The following GABRA3 variants were observed in gnomAD, a reference collection of about 807,000 sequenced individuals.
GABRA3 encodes gamma-aminobutyric acid type A receptor subunit alpha3, also known as gamma-aminobutyric acid receptor subunit alpha-3.
GABRA3 carries 10 observed loss-of-function variants against 30.1 expected under a neutral mutation model. That is an observed-to-expected ratio of 0.33 (90% CI 0.20 to 0.56). GABRA3 has a LOEUF of 0.56. Ranked by LOEUF, GABRA3 falls within the 20% of genes least tolerant of loss-of-function variation. GABRA3 has a pLI of 0.89. For synonymous variants in GABRA3, 151 were observed against 146.8 expected, an observed-to-expected ratio of 1.03 and a Z score of -0.21; for missense variants, 233 against 392.0, an observed-to-expected ratio of 0.59 and a Z score of 3.42.
chrX:152,241,396 T>C, intron 5 of GABRA3, among the ~76,000 whole-genome samples: 1 of 102,716 alleles, frequency 9.7e-6, no homozygotes, highest in South Asian at 4.3e-4. Context: ...GGAGAACCAC[T>C]GCTCTCTTCA....
At chrX:152,407,860 A>C (rs1386601220) in intron 1 of GABRA3, among the ~76,000 whole-genome samples, 3 of 111,923 alleles carry the variant, frequency 2.7e-5, no homozygotes, top group Non-Finnish European at 5.6e-5. Flanking sequence ...ACAACACATT[A>C]AAAAGATCAC....
At chrX:152,353,404 G>A (rs1305197441) in intron 2 of GABRA3, among the ~76,000 whole-genome samples, 3 of 111,781 alleles carry the variant, frequency 2.7e-5, no homozygotes, top group African/African-American at 9.7e-5. Context: ...AAAGAAGCAG[G>A]GGTACATTCT....
intron 6 of GABRA3, among the ~76,000 whole-genome samples, chrX:152,211,972 C>G (rs1373742538): frequency 9.1e-6 from 1 of 110,075 alleles, no homozygotes; most frequent in East Asian, 2.9e-4. Context: ...CAGAAGGAAG[C>G]TTAATAAATA....
chrX:152,410,510 T>C (rs1930043457), intron 1 of GABRA3, among the ~76,000 whole-genome samples: 1 of 111,563 alleles, frequency 9.0e-6, no homozygotes, highest in Non-Finnish European at 1.9e-5. Flanking sequence ...CATGTATCCA[T>C]AATAATTAAT....
intron 6 of GABRA3, among the ~76,000 whole-genome samples, chrX:152,215,656 T>G (rs1937706952): frequency 9.0e-6 from 1 of 111,171 alleles, no homozygotes; most frequent in Non-Finnish European, 1.9e-5. Context: ...GAAGAAAATG[T>G]AGGGGAAATT....
intron 1 of GABRA3, among the ~76,000 whole-genome samples, chrX:152,433,958 C>T (rs1412290352): frequency 8.9e-6 from 1 of 111,738 alleles, no homozygotes; most frequent in Non-Finnish European, 1.9e-5. Context: ...ATAATATCAG[C>T]TCTCACTTGA....
intron 6 of GABRA3, among the ~76,000 whole-genome samples, chrX:152,223,712 C>T (rs1937885224): frequency 9.2e-6 from 1 of 108,715 alleles, no homozygotes; most frequent in Non-Finnish European, 1.9e-5. Flanking sequence ...TTGAATGTTC[C>T]TTTTAAATAA....
chrX:152,215,475 A>T (rs1420773914), intron 6 of GABRA3, among the ~76,000 whole-genome samples: 1 of 110,835 alleles, frequency 9.0e-6, no homozygotes, highest in Admixed American at 9.6e-5. Flanking sequence ...TATGTTTTCA[A>T]CCATTTTTGC....
chrX:152,212,941 C>T (rs1372641385), intron 6 of GABRA3, among the ~76,000 whole-genome samples: 1 of 110,882 alleles, frequency 9.0e-6, no homozygotes, highest in Non-Finnish European at 1.9e-5. Flanking sequence ...ATCTCAATTC[C>T]AATCATTCTA....
chrX:152,290,861 C>A (rs1405985470), intron 3 of GABRA3, among the ~76,000 whole-genome samples: 2 of 111,449 alleles, frequency 1.8e-5, no homozygotes, highest in Non-Finnish European at 3.8e-5. Context: ...CTGTTCTGTT[C>A]CATTGGTCTA....
At chrX:152,385,634 T>A (rs1425928672) in intron 1 of GABRA3, among the ~76,000 whole-genome samples, 1 of 112,048 alleles carries the variant, frequency 8.9e-6, no homozygotes, top group Non-Finnish European at 1.9e-5. Flanking sequence ...TTGTTGCCAT[T>A]GCTTTTGGTG....
At chrX:152,355,754 G>A (rs967109231) in intron 2 of GABRA3, among the ~76,000 whole-genome samples, 3 of 111,818 alleles carry the variant, frequency 2.7e-5, no homozygotes, top group African/African-American at 9.7e-5. Flanking sequence ...ATATTCAATC[G>A]TTCTGACCTA....
chrX:152,447,294 T>C lies in GABRA3; in HGVS notation c.-27+3852A>G, dbSNP rs140102265. On this transcript the variant is annotated intron_variant, in intron 1 of 9. Transcript: ENST00000370314. Reference sequence around the variant, plus strand: ...GCCCTTTAATCAGTCCCACTCTTTCTAGAATAAAGACCAACAGCCTTATAA... The same window carrying C: ...GCCCTTTAATCAGTCCCACTCTTTCCAGAATAAAGACCAACAGCCTTATAA... 5.3e-3 allele frequency among the ~76,000 whole-genome samples: 596 copies of C among 111,485 alleles called. 6 individuals are homozygous for C. Among genetic ancestry groups the C allele is most frequent in the Non-Finnish European group, 5.8e-3 (307 of 53,017 alleles).
intron 5 of GABRA3, among the ~76,000 whole-genome samples, chrX:152,234,553 A>G (rs752164954): frequency 9.0e-6 from 1 of 111,651 alleles, no homozygotes; most frequent in South Asian, 3.7e-4. Context: ...GCCAAGGCCA[A>G]TGATCAGTAG....
chrX:152,235,990 T>A (rs1392681032), intron 5 of GABRA3, among the ~76,000 whole-genome samples: 1 of 107,358 alleles, frequency 9.3e-6, no homozygotes, highest in Non-Finnish European at 1.9e-5. Flanking sequence ...TCTTTATTTT[T>A]TTTTTAATTT....
chrX:152,446,806 C>T (rs1177561734), intron 1 of GABRA3, among the ~76,000 whole-genome samples: 2 of 111,983 alleles, frequency 1.8e-5, no homozygotes, highest in Non-Finnish European at 3.8e-5. Flanking sequence ...GAGGGAGTTG[C>T]ATCTCCTTTG....
At chrX:152,327,081 C>G (rs1400505475) in intron 3 of GABRA3, among the ~76,000 whole-genome samples, 1 of 108,063 alleles carries the variant, frequency 9.3e-6, no homozygotes, top group Non-Finnish European at 1.9e-5. Flanking sequence ...AGACTTTAAA[C>G]CAACAAAGAT....
intron 5 of GABRA3, among the ~76,000 whole-genome samples, chrX:152,240,475 G>C (rs1392862042): frequency 2.3e-5 from 2 of 86,212 alleles, no homozygotes; most frequent in East Asian, 9.4e-4. Flanking sequence ...TATGTGTCTT[G>C]GAGTTGCTCT....
At chrX:152,191,799 C>T (rs1296943641) in intron 8 of GABRA3, among the ~76,000 whole-genome samples, 1 of 110,957 alleles carries the variant, frequency 9.0e-6, no homozygotes, top group Non-Finnish European at 1.9e-5. Context: ...AAAGGAGTAC[C>T]TTTGCACCAA....
Sources: gnomAD v4.1 joint callset for allele counts (sites outside exome capture counted in the v4.1 genomes callset) on GRCh38, gnomAD v4.1.1 for gene constraint, MANE v1.5 for transcripts, NCBI Gene and HGNC (gene_info 2026-07-23, HGNC 2026-07-21) for gene names.